The following TRABD2A variants were observed in gnomAD, a reference collection of about 807,000 sequenced individuals.
The protein encoded by TRABD2A is metalloprotease TIKI1.
In TRABD2A, 43 loss-of-function variants were observed where a neutral mutation model predicts 45.6. The observed-to-expected ratio is 0.94, with a 90% CI of 0.74 to 1.22. The LOEUF is 1.22. Ranked by LOEUF, TRABD2A falls within the 50% of genes most tolerant of loss-of-function variation. The pLI, the probability that TRABD2A is intolerant of heterozygous loss-of-function variation, is 0.00. For synonymous variants in TRABD2A, 269 were observed against 265.0 expected (o/e 1.02, Z -0.15); for missense variants, 642 against 652.4 (o/e 0.98, Z 0.17).
intron 2 of TRABD2A, among the ~76,000 whole-genome samples, chr2:84,858,168 C>T (rs1682377980): frequency 2.0e-5 from 3 of 152,108 alleles, no homozygotes; most frequent in Non-Finnish European, 4.4e-5. Context: ...CTTGAGTCAC[C>T]ATGTCCAGCC....
intron 5 of TRABD2A, among the ~76,000 whole-genome samples, chr2:84,829,936 A>G (rs1256310648): frequency 6.7e-6 from 1 of 149,804 alleles, no homozygotes; most frequent in Non-Finnish European, 1.5e-5. Flanking sequence ...CACAAACCCT[A>G]CACACAAACA....
In TRABD2A at chr2:84,831,428, A is replaced by C. The variant is rs186033101; in HGVS notation, c.1082+627T>G. ...GGACACCTGGGGCCCACCAGGATGG[A>C]CGACCAGTTGGGAGGCCAGTGGGTG... On this transcript the variant is annotated intron_variant, in intron 5 of 6. Transcript: ENST00000409520. 4.6e-3 allele frequency among the ~76,000 whole-genome samples: 706 copies of C among 152,184 alleles called. 5 individuals carry two copies. Among genetic ancestry groups the C allele is most frequent in the African/African-American group, 0.016 (660 of 41,512 alleles).
At chr2:84,851,734 T>C (rs772994789) in intron 2 of TRABD2A, among the ~76,000 whole-genome samples, 6 of 152,180 alleles carry the variant, frequency 3.9e-5, no homozygotes, top group Non-Finnish European at 5.9e-5. Context: ...CCCATAGAAA[T>C]ACCAGCACAA....
intron 2 of TRABD2A, among the ~76,000 whole-genome samples, chr2:84,857,133 T>G (rs188266307): frequency 1.8e-4 from 28 of 152,330 alleles, no homozygotes; most frequent in Admixed American, 1.8e-3. Context: ...TAAGTTTCTG[T>G]GGTTGAAGCC....
intron 1 of TRABD2A, among the ~76,000 whole-genome samples, chr2:84,872,658 G>C (rs767255986): frequency 6.6e-6 from 1 of 152,160 alleles, no homozygotes; most frequent in Non-Finnish European, 1.5e-5. Flanking sequence ...TCTATCTACA[G>C]GCAATTCTTA....
chr2:84,874,192 G>A (rs771956900), intron 1 of TRABD2A, among the ~76,000 whole-genome samples: 1 of 152,066 alleles, frequency 6.6e-6, no homozygotes, highest in Non-Finnish European at 1.5e-5. Context: ...ATTTATTGTT[G>A]CCTTTTCAAC....
intron 2 of TRABD2A, among the ~76,000 whole-genome samples, chr2:84,863,394 G>A (rs1303574157): frequency 6.6e-6 from 1 of 151,024 alleles, no homozygotes; most frequent in East Asian, 2.0e-4. Context: ...ACAGGCGCCA[G>A]CCATCACGCC....
At chr2:84,860,610 G>A (rs571337006) in intron 2 of TRABD2A, among the ~76,000 whole-genome samples, 15 of 152,348 alleles carry the variant, frequency 9.8e-5, no homozygotes, top group African/African-American at 3.6e-4. Flanking sequence ...GTCCACTGCA[G>A]TTATTTAACA....
rs1216723405 is a variant in TRABD2A at position 84,837,945 on chromosome 2, A to G, written c.991+1204T>C. 19 of 364,060 alleles carry G rather than the reference A, an allele frequency of 5.2e-5. No individual in the cohort carries two copies. The East Asian group carries it at 8.2e-4, about 16-fold the overall frequency. The allele number at this position is 364,060 out of a possible 1,614,324, so 22.6% of individuals were successfully genotyped here. A position where few individuals can be genotyped will look rare whatever the true frequency, so the allele number is the denominator to read the frequency against. ...TTTGGGCAGCCCCTTGTAAGCTTCA[A>G]TTAATATTGCTATTTCCAGCAACTA... On this transcript the variant is annotated intron_variant, in intron 4 of 6. Coordinates refer to ENST00000409520, the MANE Select transcript of TRABD2A (RefSeq NM_001277053.2).
chr2:84,855,839 G>A (rs1682281208), intron 2 of TRABD2A, among the ~76,000 whole-genome samples: 1 of 152,136 alleles, frequency 6.6e-6, no homozygotes, highest in South Asian at 2.1e-4. Flanking sequence ...GGGTTGAGGG[G>A]GTGGGTGAGG....
At chr2:84,834,317 T>G (rs949069776) in intron 4 of TRABD2A, 6 of 152,178 alleles carry the variant, frequency 3.9e-5, no homozygotes, top group Non-Finnish European at 8.8e-5. Context: ...AACTACCACA[T>G]ACTCACGGGC....
chr2:84,860,569 G>A (rs1416487397), intron 2 of TRABD2A, among the ~76,000 whole-genome samples: 2 of 152,156 alleles, frequency 1.3e-5, no homozygotes, highest in Non-Finnish European at 2.9e-5. Flanking sequence ...TTGGTTTATG[G>A]CAGCCCTAGC....
At chr2:84,822,593 C>T (rs1283602034) in intron 6 of TRABD2A, among the ~76,000 whole-genome samples, 1 of 152,174 alleles carries the variant, frequency 6.6e-6, no homozygotes, top group Non-Finnish European at 1.5e-5. Flanking sequence ...CTCAGGCTTA[C>T]CCAGATCTTT....
rs146583146 is a variant in TRABD2A, at chr2:84,853,261, A to G, written c.670-11254T>C. Among the ~76,000 whole-genome samples the G allele has an allele frequency of 7.2e-4, 109 of 152,108 alleles. 1 individual carries two copies. The East Asian group carries it at 0.014, about 19-fold the overall frequency. ...TAGTCCGTTCTCACGCTGCTAATAA[A>G]GACATACCCAAGACTGGGTAATTTA... On this transcript the variant is annotated intron_variant, in intron 2 of 6. Coordinates refer to ENST00000409520, the MANE Select transcript of TRABD2A (RefSeq NM_001277053.2).
chr2:84,853,729 A>G lies in TRABD2A; in HGVS notation c.670-11722T>C, dbSNP rs1181485233. Among the ~76,000 whole-genome samples, 86 of 152,220 alleles carry G rather than the reference A, an allele frequency of 5.6e-4. 1 individual carries two copies. Among genetic ancestry groups the G allele is most frequent in the Non-Finnish European group, 1.8e-4 (12 of 68,044 alleles). On this transcript the variant is annotated intron_variant, in intron 2 of 6. Coordinates refer to ENST00000409520, the MANE Select transcript of TRABD2A (RefSeq NM_001277053.2). The stretch of plus-strand genomic sequence containing the variant: ...AGAACACTGACTGGCCAATACCTCA[A>G]TTTAAGATTTCCAGCCTTGATGGGT...
chr2:84,825,953 C>A (rs978623730), intron 5 of TRABD2A, among the ~76,000 whole-genome samples: 2 of 152,130 alleles, frequency 1.3e-5, no homozygotes, highest in East Asian at 1.9e-4. Context: ...AACCATCCCC[C>A]CCTCCCCGAT....
intron 4 of TRABD2A, chr2:84,836,109 A>G (rs1225451276): frequency 6.6e-6 from 1 of 152,240 alleles, no homozygotes; most frequent in Non-Finnish European, 1.5e-5. Context: ...AAAAATCACA[A>G]TCTGAAGAAA....
At position 84,870,315 on chromosome 2, in the gene TRABD2A, G is replaced by A. The variant is rs115638318; in HGVS notation, c.579C>T (p.Ala193=). The change falls in exon 2 of 7, where the codon GCC becomes GCT. Residue 193 remains alanine, a synonymous_variant. Coordinates refer to ENST00000409520, the MANE Select transcript of TRABD2A (RefSeq NM_001277053.2). ...RGVPVLDLFL[A]QEAERLRKQT... is the part of the protein sequence containing the mutation. ...GTTTCCTCAGCCGCTCAGCCTCCTG[G>A]GCAAGGAACAGGTCTAAGACAGGCA... is the stretch of plus-strand genomic sequence containing the variant. 293 of 1,613,966 alleles carry A rather than the reference G, an allele frequency of 1.8e-4. 1 individual carries two copies. In the African/African-American group the frequency reaches 3.7e-3, roughly 20 times the overall value.
intron 2 of TRABD2A, among the ~76,000 whole-genome samples, chr2:84,863,356 T>C (rs1682564536): frequency 6.8e-6 from 1 of 147,644 alleles, no homozygotes; most frequent in African/African-American, 2.5e-5. Flanking sequence ...ACCATTCTCC[T>C]GCCTCAGCCT....
Sources: gnomAD v4.1 joint callset for allele counts (sites outside exome capture counted in the v4.1 genomes callset) on GRCh38, gnomAD v4.1.1 for gene constraint, MANE v1.5 for transcripts, NCBI Gene and HGNC (gene_info 2026-07-23, HGNC 2026-07-21) for gene names.